The following AUTS2 variants were observed in gnomAD, a reference collection of about 807,000 sequenced individuals.
The protein encoded by AUTS2 is autism susceptibility gene 2 protein.
AUTS2 carries 17 observed loss-of-function variants against 112.4 expected under a neutral mutation model. That is an observed-to-expected ratio of 0.15 (90% CI 0.10 to 0.23). The LOEUF is 0.23. AUTS2 is among the 10% of genes least tolerant of loss of function. AUTS2 has a pLI of 1.00. For synonymous variants in AUTS2, 751 were observed against 702.7 expected, an observed-to-expected ratio of 1.07 and a Z score of -1.09; for missense variants, 1,510 against 1,701.6, an observed-to-expected ratio of 0.89 and a Z score of 1.98.
At chr7:69,902,164 G>A (rs1183039352) in intron 2 of AUTS2, among the ~76,000 whole-genome samples, 1 of 152,024 alleles carries the variant, frequency 6.6e-6, no homozygotes, top group Admixed American at 6.6e-5. Flanking sequence ...GAGGGGAGTG[G>A]TCCATTGTGT....
chr7:70,378,878 GTA>G (rs1793238578), intron 4 of AUTS2, among the ~76,000 whole-genome samples: 1 of 152,194 alleles, frequency 6.6e-6, no homozygotes, highest in Non-Finnish European at 1.5e-5. Context: ...AAAGCTATAA[GTA>G]TATGATTCAG....
At chr7:70,110,947 C>CT (rs1260113501) in intron 2 of AUTS2, among the ~76,000 whole-genome samples, 6 of 144,806 alleles carry the variant, frequency 4.1e-5, no homozygotes, top group African/African-American at 1.6e-4. Context: ...TCTCAGCTCA[C>CT]TGCAAGCTCC....
At chr7:70,219,537 A>C (rs1377977596) in intron 4 of AUTS2, among the ~76,000 whole-genome samples, 3 of 152,062 alleles carry the variant, frequency 2.0e-5, no homozygotes, top group African/African-American at 7.2e-5. Context: ...AGATCTGAAC[A>C]GAAATTAAGG....
intron 4 of AUTS2, among the ~76,000 whole-genome samples, chr7:70,330,072 C>T (rs1286798804): frequency 6.6e-6 from 1 of 152,190 alleles, no homozygotes; most frequent in East Asian, 1.9e-4. Flanking sequence ...ACCTTTAAAA[C>T]TATTGCATTG....
chr7:70,241,068 A>G (rs1226546327), intron 4 of AUTS2, among the ~76,000 whole-genome samples: 1 of 152,198 alleles, frequency 6.6e-6, no homozygotes, highest in African/African-American at 2.4e-5. Flanking sequence ...GCAATTGGGA[A>G]GCCTTCCCAG....
At chr7:70,493,490 C>G (rs1426395767) in intron 5 of AUTS2, among the ~76,000 whole-genome samples, 1 of 151,916 alleles carries the variant, frequency 6.6e-6, no homozygotes, top group Non-Finnish European at 1.5e-5. Context: ...GATTTCACTG[C>G]TATATTCTAT....
chr7:70,536,773 G>A (rs911331318), intron 5 of AUTS2, among the ~76,000 whole-genome samples: 8 of 151,976 alleles, frequency 5.3e-5, no homozygotes, highest in Non-Finnish European at 7.4e-5. Flanking sequence ...GTTGGCGCAT[G>A]CTTGTAATCC....
Position 70,402,726 on chromosome 7 carries a change from C to T in AUTS2, c.661-33026C>T, listed in dbSNP as rs555340169. Among the ~76,000 whole-genome samples, 9 of 152,280 alleles carry T rather than the reference C, an allele frequency of 5.9e-5. No homozygotes were observed. The East Asian group carries it at 1.7e-3, about 29-fold the overall frequency. On this transcript the variant is annotated intron_variant, in intron 4 of 18. Coordinates refer to ENST00000342771, the MANE Select transcript of AUTS2 (RefSeq NM_015570.4). ...GGGCCATTCATTTGACCTTTCTGAG[C>T]TTCAGTCTCCAATTGTAAAGGGCAG...
chr7:70,046,345 A>G (rs1393296032), intron 2 of AUTS2, among the ~76,000 whole-genome samples: 2 of 152,204 alleles, frequency 1.3e-5, no homozygotes, highest in African/African-American at 2.4e-5. Context: ...ACACCTTAAT[A>G]TCTTCTTCAT....
chr7:70,636,508 T>A (rs1805540964), intron 5 of AUTS2, among the ~76,000 whole-genome samples: 1 of 152,204 alleles, frequency 6.6e-6, no homozygotes, highest in Non-Finnish European at 1.5e-5. Flanking sequence ...AGTCCCCCTC[T>A]TATGGATACA....
intron 1 of AUTS2, among the ~76,000 whole-genome samples, chr7:69,822,203 A>G (rs1469949424): frequency 6.6e-6 from 1 of 152,198 alleles, no homozygotes; most frequent in Admixed American, 6.5e-5. Context: ...AATATTTACA[A>G]TTCACTGTGG....
rs186126766 is a variant in AUTS2, at chr7:69,647,176, A to G, written c.309+47214A>G. Among the ~76,000 whole-genome samples, 795 of 152,294 alleles carry G rather than the reference A, an allele frequency of 5.2e-3. 2 individuals carry two copies. The highest frequency in any genetic ancestry group is 9.3e-3 in the South Asian group (45 of 4,824). ...GTATTTGAGTTAGCGTTTCTAAAGC[A>G]TTATGACTCTCCAGATAACAGTTTA... On this transcript the variant is annotated intron_variant, in intron 1 of 18. Transcript: ENST00000342771.
chr7:70,668,080 A>G (rs572075250), intron 5 of AUTS2, among the ~76,000 whole-genome samples: 5 of 152,292 alleles, frequency 3.3e-5, no homozygotes, highest in African/African-American at 1.2e-4. Context: ...CCTGCGTCCA[A>G]GTGGTTGTCC....
At chr7:69,969,224 T>C (rs1202053642) in intron 2 of AUTS2, among the ~76,000 whole-genome samples, 1 of 151,950 alleles carries the variant, frequency 6.6e-6, no homozygotes, top group Non-Finnish European at 1.5e-5. Context: ...AATAAACTAA[T>C]GTGAAAAGGG....
At chr7:69,764,138 G>A (rs1300384226) in intron 1 of AUTS2, among the ~76,000 whole-genome samples, 1 of 152,208 alleles carries the variant, frequency 6.6e-6, no homozygotes, top group Non-Finnish European at 1.5e-5. Context: ...ACTCAAGGCT[G>A]TGGACTCGAT....
intron 5 of AUTS2, among the ~76,000 whole-genome samples, chr7:70,664,350 G>C: frequency 6.6e-6 from 1 of 152,172 alleles, no homozygotes; most frequent in East Asian, 1.9e-4. Flanking sequence ...AATGGCAGCT[G>C]TTGGACTCTG....
intron 4 of AUTS2, among the ~76,000 whole-genome samples, chr7:70,191,749 C>G (rs1241711457): frequency 1.3e-5 from 2 of 151,722 alleles, no homozygotes; most frequent in Non-Finnish European, 2.9e-5. Context: ...TTTACATGGA[C>G]AATAGTTTTG....
intron 4 of AUTS2, among the ~76,000 whole-genome samples, chr7:70,342,810 A>G (rs1791327706): frequency 6.6e-6 from 1 of 152,182 alleles, no homozygotes; most frequent in African/African-American, 2.4e-5. Context: ...CCTTAAAAGC[A>G]ATCAGACTTT....
At chr7:70,034,810 T>A (rs1800928619) in intron 2 of AUTS2, among the ~76,000 whole-genome samples, 2 of 152,136 alleles carry the variant, frequency 1.3e-5, no homozygotes, top group South Asian at 4.1e-4. Flanking sequence ...AGTGTGAGTG[T>A]CATACTCAGA....
Sources: allele counts gnomAD v4.1 joint callset (sites outside exome capture counted in the v4.1 genomes callset), GRCh38; gene constraint gnomAD v4.1.1; transcripts MANE v1.5; gene names NCBI Gene and HGNC (gene_info 2026-07-23, HGNC 2026-07-21).